The following CCDC150 variants were observed in gnomAD, a reference collection of about 807,000 sequenced individuals.
CCDC150 encodes the protein coiled-coil domain-containing protein 150.
A neutral mutation model predicts 156.5 loss-of-function variants in CCDC150; 151 were observed. The ratio of observed to expected loss-of-function variants is 0.97; its 90% CI spans 0.85 to 1.10. CCDC150 has a LOEUF of 1.10. CCDC150 is among the 50% of genes least tolerant of loss of function. CCDC150 has a pLI of 0.00. For synonymous variants in CCDC150, 452 were observed against 429.4 expected (o/e 1.05, Z -0.65); for missense variants, 1,312 against 1,268.1 (o/e 1.03, Z -0.53).
At chr2:196,692,547 ATAACCT>A (rs1695555716) in intron 13 of CCDC150, among the ~76,000 whole-genome samples, 1 of 152,232 alleles carries the variant, frequency 6.6e-6, no homozygotes, top group Non-Finnish European at 1.5e-5. Context: ...TTAGTTTTAA[ATAACCT>A]ATTGAATTTT....
chr2:196,706,749 T>C (rs922808845), intron 15 of CCDC150, among the ~76,000 whole-genome samples: 17 of 152,218 alleles, frequency 1.1e-4, no homozygotes, highest in African/African-American at 4.1e-4. Flanking sequence ...GTCAAAGGCC[T>C]TTTCTGCATC....
chr2:196,667,782 T>C (rs1262121488), intron 7 of CCDC150: 1 of 152,204 alleles, frequency 6.6e-6, no homozygotes, highest in Non-Finnish European at 1.5e-5. Context: ...GAGTAATCTA[T>C]TCAATGTTTT....
At chr2:196,651,722 CA>C (rs1692885340) in intron 2 of CCDC150, among the ~76,000 whole-genome samples, 2 of 152,092 alleles carry the variant, frequency 1.3e-5, no homozygotes, top group Admixed American at 1.3e-4. Context: ...TAACTTTTGA[CA>C]ATTTGATGAT....
intron 24 of CCDC150, 45 bp downstream of exon 24, chr2:196,729,906 C>A (rs778752774): frequency 1.9e-6 from 3 of 1,604,856 alleles, no homozygotes; most frequent in Non-Finnish European, 2.6e-6. Flanking sequence ...CATGCAAAAT[C>A]TCAAACTTGG....
intron 25 of CCDC150, among the ~76,000 whole-genome samples, chr2:196,730,473 C>G (rs542486056): frequency 6.6e-6 from 1 of 152,322 alleles, no homozygotes; most frequent in Admixed American, 6.5e-5. Context: ...GTTGCTATTA[C>G]AGGACTCTTA....
At chr2:196,689,084 G>A (rs1190685641) in intron 13 of CCDC150, among the ~76,000 whole-genome samples, 2 of 152,010 alleles carry the variant, frequency 1.3e-5, no homozygotes, top group Non-Finnish European at 2.9e-5. Context: ...TGAGGGCTCT[G>A]TTCTGTTCCA....
At chr2:196,692,250 T>C (rs1695530073) in intron 13 of CCDC150, among the ~76,000 whole-genome samples, 1 of 148,262 alleles carries the variant, frequency 6.7e-6, no homozygotes, top group Non-Finnish European at 1.5e-5. Flanking sequence ...TTCTCCTGCC[T>C]CAGCCTCCCC....
In CCDC150 at chr2:196,732,547, G is replaced by A. The variant is rs1487603855; in HGVS notation, c.3291G>A (p.Glu1097=). Residue 1097 remains glutamate, a synonymous_variant, in exon 28 of 28, where the codon GAG becomes GAA. Transcript: ENST00000389175. ...LRPMPKKYHS[E]VQRK ...CCATGCCCAAGAAGTATCATTCTGA[G>A]GTACAGAGGAAGTGATGTCCTTGAC... 1 of 1,609,892 alleles carries A rather than the reference G, an allele frequency of 6.2e-7. No homozygotes were observed. The highest frequency in any genetic ancestry group is 1.3e-5 in the African/African-American group (1 of 74,830).
chr2:196,658,528 A>G lies in CCDC150; in HGVS notation c.577-264A>G, dbSNP rs142241299. Among the ~76,000 whole-genome samples, 330 of 152,344 alleles carry G rather than the reference A, an allele frequency of 2.2e-3. 2 individuals carry two copies. The highest frequency in any genetic ancestry group is 7.3e-3 in the African/African-American group (304 of 41,596). On this transcript the variant is annotated intron_variant, in intron 4 of 27. Transcript: ENST00000389175. ...TTGACCTCTAATTATTGAATTTTAT[A>G]TAGGAGGTGGGTGCGATTAATCACT...
At chr2:196,659,503 G>A (rs2125588061) in intron 5 of CCDC150, among the ~76,000 whole-genome samples, 1 of 152,218 alleles carries the variant, frequency 6.6e-6, no homozygotes, top group East Asian at 1.9e-4. Flanking sequence ...TACTTTTTAG[G>A]AAAATTCTTA....
rs545082534 is a variant in CCDC150, at chr2:196,725,710, C to T, written c.2430-263C>T. Among the ~76,000 whole-genome samples, 3 of 152,288 alleles carry T rather than the reference C, an allele frequency of 2.0e-5. No homozygotes were observed. In the East Asian group the frequency reaches 5.8e-4, roughly 29 times the overall value. ...TCTCTTAAAGTGTTTCTTCTTCCTC[C>T]AGTATTTTTCTTCGATGTGAGTTTT... On this transcript the variant is annotated intron_variant, in intron 21 of 27. Transcript: ENST00000389175.
chr2:196,641,111 C>T (rs1443972508), intron 1 of CCDC150, among the ~76,000 whole-genome samples: 2 of 151,904 alleles, frequency 1.3e-5, no homozygotes, highest in African/African-American at 2.4e-5. Flanking sequence ...TACAGGAGCA[C>T]GCCACCACGC....
In CCDC150 at chr2:196,676,236, C is replaced by T. The variant is rs1347530401; in HGVS notation, c.1231C>T (p.Gln411Ter). Residue 411 changes from glutamine (Q) to a stop codon, truncating the protein, a stop_gained, in exon 11 of 28, where the codon CAG (glutamine) becomes TAG (stop). Transcript: ENST00000389175. LOFTEE classifies it high-confidence loss of function. ...ASITNELQTV[Q>*]NEKTQLQAHL... is the part of the protein sequence containing the mutation. ...TATCACAAATGAACTACAGACTGTT[C>T]AGAATGAGAAAACCCAACTCCAGGC... 6.2e-7 allele frequency: 1 copy of T among 1,613,516 alleles called. No homozygotes were observed. Among genetic ancestry groups the T allele is most frequent in the Admixed American group, 1.7e-5 (1 of 60,018 alleles).
intron 5 of CCDC150, among the ~76,000 whole-genome samples, chr2:196,660,364 T>A (rs1206106559): frequency 6.6e-6 from 1 of 152,202 alleles, no homozygotes; most frequent in African/African-American, 2.4e-5. Flanking sequence ...CTGGTAAGCC[T>A]ATGTTTAGCT....
At chr2:196,714,398 C>T (rs1284475539) in intron 17 of CCDC150, among the ~76,000 whole-genome samples, 1 of 152,144 alleles carries the variant, frequency 6.6e-6, no homozygotes. Context: ...AGGGATGGCC[C>T]ATGCTTGGCT....
rs752255220 is a variant in CCDC150, at chr2:196,712,265, T to G, written c.1803+13T>G. The G allele has an allele frequency of 8.0e-6, 11 of 1,374,472 alleles. No homozygotes were observed. The highest frequency in any genetic ancestry group is 2.9e-5 in the African/African-American group (2 of 68,732). The allele number at this position is 1,374,472 out of a possible 1,614,324, so 85.1% of individuals were successfully genotyped here. A position where few individuals can be genotyped will look rare whatever the true frequency, so the allele number is the denominator to read the frequency against. On this transcript the variant is annotated intron_variant, in intron 16 of 27. Transcript: ENST00000389175. The stretch of plus-strand genomic sequence containing the variant: ...TAAATATGCTCAGGTGTGATTAATA[T>G]CTACAAAAGCGGATTGCTGCTATAT...
chr2:196,681,977 G>A (rs888123182), intron 13 of CCDC150, among the ~76,000 whole-genome samples: 1 of 152,026 alleles, frequency 6.6e-6, no homozygotes, highest in Non-Finnish European at 1.5e-5. Flanking sequence ...TGGTTTATCT[G>A]TGTTTCCTTG....
intron 13 of CCDC150, among the ~76,000 whole-genome samples, chr2:196,687,626 G>C (rs952828425): frequency 1.3e-5 from 2 of 152,078 alleles, no homozygotes; most frequent in African/African-American, 4.8e-5. Context: ...GTCAATTTTT[G>C]CTTTCGTTGC....
chr2:196,694,628 C>G (rs115036631), intron 13 of CCDC150, among the ~76,000 whole-genome samples: 3,969 of 152,132 alleles, frequency 0.026, 179 homozygotes, highest in African/African-American at 0.09. Flanking sequence ...CTTTGTGGGG[C>G]TGAGGCGGGC....
Sources: gnomAD v4.1 joint callset for allele counts (sites outside exome capture counted in the v4.1 genomes callset) on GRCh38, gnomAD v4.1.1 for gene constraint, MANE v1.5 for transcripts, NCBI Gene and HGNC (gene_info 2026-07-23, HGNC 2026-07-21) for gene names.